Variants in NPR1 observed in about 807,000 individuals in gnomAD.
NPR1 encodes natriuretic peptide receptor 1, also known as atrial natriuretic peptide receptor 1.
Under a neutral mutation model 116.9 loss-of-function variants are expected in NPR1, and 57 were observed. The observed-to-expected ratio is 0.49, with a 90% CI of 0.39 to 0.61. The LOEUF is 0.61. Ranked by LOEUF, NPR1 falls within the 20% of genes least tolerant of loss-of-function variation. The pLI, the probability that NPR1 is intolerant of heterozygous loss-of-function variation, is 0.00. For missense variants in NPR1, 1,096 were observed against 1,409.8 expected, an observed-to-expected ratio of 0.78 and a Z score of 3.56; for synonymous variants, 555 against 601.6, an observed-to-expected ratio of 0.92 and a Z score of 1.13.
chr1:153,689,934 C>T lies in NPR1; in HGVS notation c.2886C>T (p.Arg962=), dbSNP rs756269992. The T allele has an allele frequency of 2.6e-6, 4 of 1,550,068 alleles. No homozygotes were observed. The East Asian group carries it at 9.7e-5, about 38-fold the overall frequency. The change falls in exon 19 of 22, where the codon CGC becomes CGT. Residue 962 remains arginine, a synonymous_variant. Transcript: ENST00000368680. This position sits in a 1 kb window ranked among gnomAD's most constrained non-coding sequence, Gnocchi z 5.1. ...ATGCTGTGCGCTCCTTCCGAATCCG[C>T]CACCGGCCCCAGGAGCAGCTGCGCT... ...LLDAVRSFRI[R]HRPQEQLRLR...
chr1:153,688,019 C>T, intron 14 of NPR1, 34 bp from the exon 15 acceptor site: 1 of 1,498,300 alleles, frequency 6.7e-7, no homozygotes, highest in Non-Finnish European at 9.2e-7. Context: ...CTTGGCCAGC[C>T]CCACCCCTCA....
rs1670043470 is a variant in NPR1 at position 153,689,838 on chromosome 1, G to A, written c.2790G>A (p.Val930=). The change falls in exon 19 of 22, where the codon GTG becomes GTA. Residue 930 remains valine, a synonymous_variant. Coordinates refer to ENST00000368680, the MANE Select transcript of NPR1 (RefSeq NM_000906.4). This position sits in a 1 kb window ranked among gnomAD's most constrained non-coding sequence, Gnocchi z 5.1. The part of the protein sequence containing the change: ...VETIGDAYMV[V]SGLPVRNGRL... ...CAATTGGCGATGCCTACATGGTGGTGTCAGGGCTCCCTGTGCGGAACGGGC... is the reference window on the plus strand; with the variant it reads ...CAATTGGCGATGCCTACATGGTGGTATCAGGGCTCCCTGTGCGGAACGGGC... The A allele has an allele frequency of 6.3e-7, 1 of 1,586,820 alleles. No homozygotes were observed. Among genetic ancestry groups the A allele is most frequent in the Non-Finnish European group, 8.6e-7 (1 of 1,162,582 alleles).
intron 15 of NPR1, among the ~76,000 whole-genome samples, chr1:153,688,475 C>G (rs966079583): frequency 6.6e-6 from 1 of 152,166 alleles, no homozygotes; most frequent in South Asian, 2.1e-4. Context: ...CCTGCCCACT[C>G]GCCTTGCTGG....
rs781688389 is a variant in NPR1, at chr1:153,688,118, C to T, written c.2314C>T (p.His772Tyr). Residue 772 changes from histidine to tyrosine, a missense_variant, in exon 15 of 22, where the codon CAC (histidine) becomes TAC (tyrosine). Coordinates refer to ENST00000368680, the MANE Select transcript of NPR1 (RefSeq NM_000906.4). Reference protein sequence around the residue: ...PFRPSLALQSHLEELGLLMQR... With the variant: ...PFRPSLALQSYLEELGLLMQR... ...CCGGCCCTCCCTGGCCCTGCAGAGT[C>T]ACCTGGAGGAGTTGGGGCTGCTCAT... The T allele has an allele frequency of 6.2e-7, 1 of 1,613,576 alleles. No homozygotes were observed. The highest frequency in any genetic ancestry group is 8.5e-7 in the Non-Finnish European group (1 of 1,179,628).
Position 153,693,622 on chromosome 1 carries a change from C to T in NPR1, c.*208C>T. The T allele has an allele frequency of 2.0e-6, 1 of 511,016 alleles. No individual in the cohort carries two copies. The highest frequency in any genetic ancestry group is 3.4e-5 in the South Asian group (1 of 29,810). The allele number at this position is 511,016 out of a possible 1,614,324, so 31.7% of individuals were successfully genotyped here. ...GGATCTCAGAGCTTACAGGCTGAGC[C>T]AAGCCCACGGCCATGCACAGGGACA... On this transcript the variant is annotated 3_prime_UTR_variant, in exon 22 of 22. Coordinates refer to ENST00000368680, the MANE Select transcript of NPR1 (RefSeq NM_000906.4).
chr1:153,685,740 C>A, intron 8 of NPR1, 66 bp from the exon 9 acceptor site: 1 of 1,221,556 alleles, frequency 8.2e-7, no homozygotes, highest in Non-Finnish European at 1.2e-6. Flanking sequence ...AAGACCAGAG[C>A]ACAAGCAATC....
rs1324398497 is a variant in NPR1 at position 153,679,487 on chromosome 1, C to G, written c.379C>G (p.Arg127Gly). Residue 127 changes from arginine to glycine, a missense_variant, in exon 1 of 22, where the codon CGC becomes GGC. Physicochemically the swap from Arg to Gly is moderately radical, Grantham distance 125. Coordinates refer to ENST00000368680, the MANE Select transcript of NPR1 (RefSeq NM_000906.4). This position sits in a 1 kb window ranked among gnomAD's most constrained non-coding sequence, Gnocchi z 4.2. ...CGTGTACGCCGCCGCCCCAGTGGGG[C>G]GCTTCACCGCGCACTGGCGGGTCCC... ...GCVYAAAPVG[R>G]FTAHWRVPLL... 1.3e-6 allele frequency: 2 copies of G among 1,538,870 alleles called. No homozygotes were observed. Among genetic ancestry groups the G allele is most frequent in the African/African-American group, 2.7e-5 (2 of 72,910 alleles).
At position 153,689,379 on chromosome 1, in the gene NPR1, G is replaced by A; in HGVS notation, c.2688+68G>A. 1.9e-6 allele frequency: 3 copies of A among 1,613,984 alleles called. No homozygotes were observed. The South Asian group carries it at 3.3e-5, about 18-fold the overall frequency. On this transcript the variant is annotated intron_variant, in intron 17 of 21. Coordinates refer to ENST00000368680, the MANE Select transcript of NPR1 (RefSeq NM_000906.4). This position sits in a 1 kb window ranked among gnomAD's most constrained non-coding sequence, Gnocchi z 5.1. ...CTGGATCCCACCAGACCTGCCTTCTGGTTCTGCTTTACCCACCTGACCCCA... is the reference window on the plus strand; with the variant it reads ...CTGGATCCCACCAGACCTGCCTTCTAGTTCTGCTTTACCCACCTGACCCCA...
rs1194615660 is a variant in NPR1 at position 153,679,428 on chromosome 1, A to T, written c.320A>T (p.Glu107Val). ...APLAAVDLKW[E>V]HNPAVFLGPG... Reference sequence around the variant, plus strand: ...CTGGCCGCGGTGGACCTCAAGTGGGAGCACAACCCCGCTGTGTTCCTGGGC... The same window carrying T: ...CTGGCCGCGGTGGACCTCAAGTGGGTGCACAACCCCGCTGTGTTCCTGGGC... The change falls in exon 1 of 22, where the codon GAG becomes GTG. Residue 107 changes from glutamate to valine, a missense_variant. Coordinates refer to ENST00000368680, the MANE Select transcript of NPR1 (RefSeq NM_000906.4). The surrounding 1 kb of genome is among the most constrained non-coding windows in gnomAD (Gnocchi z 4.2). 4 of 1,543,108 alleles carry T rather than the reference A, an allele frequency of 2.6e-6. No individual in the cohort carries two copies. In the African/African-American group the frequency reaches 4.1e-5, roughly 16 times the overall value.
At chr1:153,685,678 C>T in intron 8 of NPR1, 128 bp from the exon 9 acceptor site, 1 of 737,312 alleles carries the variant, frequency 1.4e-6, no homozygotes, top group Non-Finnish European at 2.3e-6. Context: ...AAAAACCCAA[C>T]AACAAAAAGG....
Position 153,693,562 on chromosome 1 carries a change from C to G in NPR1, c.*148C>G, listed in dbSNP as rs1670162994. The stretch of plus-strand genomic sequence containing the variant: ...AGGTGTGCTGACCCCAGTGAAGACA[C>G]CAGATAGGACCTCTGAGAGGGGACT... On this transcript the variant is annotated 3_prime_UTR_variant, in exon 22 of 22. Coordinates refer to ENST00000368680, the MANE Select transcript of NPR1 (RefSeq NM_000906.4). 3.1e-6 allele frequency: 2 copies of G among 644,290 alleles called. No individual in the cohort carries two copies. Among genetic ancestry groups the G allele is most frequent in the Non-Finnish European group, 5.2e-6 (2 of 383,830 alleles). The allele number at this position is 644,290 out of a possible 1,614,324, so 39.9% of individuals were successfully genotyped here.
rs148747309 is a variant in NPR1, at chr1:153,688,209, G to A, written c.2405G>A (p.Arg802His). Residue 802 changes from arginine (R) to histidine (H), a missense_variant, in exon 15 of 22, where the codon CGC (arginine) becomes CAC (histidine). Arg to His is a conservative substitution (Grantham distance 29, BLOSUM62 0). Transcript: ENST00000368680. ...TTCCAGCAGATCCGCCTGACGTTGCGCAAATTTAACAGGTCCCTGGTGTTT... is the reference window on the plus strand; with the variant it reads ...TTCCAGCAGATCCGCCTGACGTTGCACAAATTTAACAGGTCCCTGGTGTTT... Reference protein sequence around the residue: ...PPFQQIRLTLRKFNRENSSNI... With the variant: ...PPFQQIRLTLHKFNRENSSNI... 6.2e-6 allele frequency: 10 copies of A among 1,613,176 alleles called. No individual in the cohort carries two copies. The highest frequency in any genetic ancestry group is 2.2e-5 in the East Asian group (1 of 44,878).
Position 153,678,958 on chromosome 1 carries a change from AG to A in NPR1, c.-146del. 1 of 1,028,884 alleles carries A rather than the reference AG, an allele frequency of 9.7e-7. No homozygotes were observed. The highest frequency in any genetic ancestry group is 1.3e-6 in the Non-Finnish European group (1 of 767,744). 63.7% of individuals were successfully genotyped at this position (1,028,884 alleles called of 1,614,324 possible). A position where few individuals can be genotyped will look rare whatever the true frequency, so the allele number is the denominator to read the frequency against. ...TCTCGGCCCAGACCGTCGCAGCTAC[AG>A]GGGGCCTCGAGCCCCGGGGTGAGCG... On this transcript the variant is annotated 5_prime_UTR_variant, in exon 1 of 22. Coordinates refer to ENST00000368680, the MANE Select transcript of NPR1 (RefSeq NM_000906.4). The surrounding 1 kb of genome is among the most constrained non-coding windows in gnomAD (Gnocchi z 5.8).
Position 153,693,095 on chromosome 1 carries a change from G to A in NPR1, c.3032-11G>A. The A allele has an allele frequency of 6.2e-7, 1 of 1,611,072 alleles. No individual in the cohort carries two copies. The highest frequency in any genetic ancestry group is 2.2e-5 in the East Asian group (1 of 44,852). On this transcript the variant is annotated splice_polypyrimidine_tract_variant and intron_variant, in intron 20 of 21. Coordinates refer to ENST00000368680, the MANE Select transcript of NPR1 (RefSeq NM_000906.4). ...CATTGCTCACCTTCCCTTCTCCCCT[G>A]TCCTACCCAGCCCTGAAGATCCACT...
chr1:153,680,525 A>G lies in NPR1; in HGVS notation c.746A>G (p.Asp249Gly). The change falls in exon 2 of 22, where the codon GAT (aspartate) becomes GGT (glycine). Residue 249 changes from aspartate (D) to glycine (G), a missense_variant. Asp to Gly is a moderately conservative substitution (Grantham distance 94, BLOSUM62 -1). Transcript: ENST00000368680. ...GRVIYICSSPDAFRTLMLLAL... is the reference protein window; with the variant it reads ...GRVIYICSSPGAFRTLMLLAL... ...GTTATCTACATCTGCAGCTCCCCTGATGCCTTCAGAACCCTCATGCTCCTG... is the reference window on the plus strand; with the variant it reads ...GTTATCTACATCTGCAGCTCCCCTGGTGCCTTCAGAACCCTCATGCTCCTG... 1 of 1,613,974 alleles carries G rather than the reference A, an allele frequency of 6.2e-7. No homozygotes were observed. Among genetic ancestry groups the G allele is most frequent in the Non-Finnish European group, 8.5e-7 (1 of 1,179,986 alleles).
chr1:153,687,195 T>C lies in NPR1; in HGVS notation c.1936-5T>C. On this transcript the variant is annotated splice_polypyrimidine_tract_variant and splice_region_variant and intron_variant, in intron 12 of 21. Coordinates refer to ENST00000368680, the MANE Select transcript of NPR1 (RefSeq NM_000906.4). ...GCCAATACCTCTGCCCACTCACATT[T>C]CCAGGGCATGCTGTTTCTACACAAT... 6.2e-7 allele frequency: 1 copy of C among 1,614,082 alleles called. No homozygotes were observed. The highest frequency in any genetic ancestry group is 8.5e-7 in the Non-Finnish European group (1 of 1,179,958).
In NPR1 at chr1:153,685,006, G is replaced by A. The variant is rs764432686; in HGVS notation, c.1527G>A (p.Arg509=). 3 of 1,613,984 alleles carry A rather than the reference G, an allele frequency of 1.9e-6. No homozygotes were observed. The highest frequency in any genetic ancestry group is 2.5e-6 in the Non-Finnish European group (3 of 1,179,988). ...LEKELASELW[R]VRWEDVEPSS... is the part of the protein sequence containing the mutation. ...AGGAACTGGCCTCGGAGCTGTGGCG[G>A]GTGCGCTGGGAGGACGTTGAGCCCA... Residue 509 remains arginine, a synonymous_variant, in exon 8 of 22, where the codon CGG becomes CGA. Transcript: ENST00000368680.
At chr1:153,692,910 A>C (rs1273877678) in intron 20 of NPR1, among the ~76,000 whole-genome samples, 196 bp from the exon 21 acceptor site, 1 of 152,128 alleles carries the variant, frequency 6.6e-6, no homozygotes, top group Non-Finnish European at 1.5e-5. Context: ...CAGAGTTCTA[A>C]ATGAGAGGCT....
intron 3 of NPR1, chr1:153,681,498 C>T (rs557017620): frequency 3.1e-6 from 2 of 647,358 alleles, no homozygotes; most frequent in East Asian, 5.5e-5. Flanking sequence ...GGAGACGATA[C>T]ATCCTGCCCT....
Sources: gnomAD v4.1 joint callset for allele counts (sites outside exome capture counted in the v4.1 genomes callset) on GRCh38, gnomAD v4.1.1 for gene constraint, Gnocchi (gnomAD v3.1) non-coding constraint, MANE v1.5 for transcripts, NCBI Gene and HGNC (gene_info 2026-07-23, HGNC 2026-07-21) for gene names.